PHF20L1: variants seen among roughly 807,000 people sequenced by gnomAD.
PHF20L1 encodes the protein PHD finger protein 20 like 1.
Under a neutral mutation model 125.5 loss-of-function variants are expected in PHF20L1, and 44 were observed. That is an observed-to-expected ratio of 0.35 (90% CI 0.28 to 0.45). The LOEUF is 0.45. Among genes scored for constraint, PHF20L1 ranks in the 20% least tolerant of loss-of-function variants. The pLI is 1.00. For missense variants in PHF20L1, 1,012 were observed against 1,217.2 expected (o/e 0.83, Z 2.51); for synonymous variants, 380 against 403.1 (o/e 0.94, Z 0.69).
At chr8:132,812,208 A>AT in intron 9 of PHF20L1, 1 of 979,176 alleles carries the variant, frequency 1.0e-6, no homozygotes, top group Non-Finnish European at 1.2e-6. Flanking sequence ...GTATTACTAT[A>AT]TTCAACGTCC....
intron 12 of PHF20L1, among the ~76,000 whole-genome samples, 195 bp from the exon 13 acceptor site, chr8:132,823,809 T>G (rs980148794): frequency 3.3e-5 from 5 of 151,956 alleles, no homozygotes; most frequent in African/African-American, 1.2e-4. Flanking sequence ...AAAATCACAT[T>G]TAATTTATTG....
At chr8:132,843,484 A>C (rs1295585257) in intron 19 of PHF20L1, 1 of 981,540 alleles carries the variant, frequency 1.0e-6, no homozygotes, top group Non-Finnish European at 1.2e-6. Context: ...AATTACCATA[A>C]ATAAGTACTT....
intron 18 of PHF20L1, 76 bp downstream of exon 18, chr8:132,839,658 A>T (rs1023335705): frequency 3.0e-6 from 3 of 1,007,136 alleles, no homozygotes; most frequent in Admixed American, 1.9e-5. Flanking sequence ...TGGCCTTTTG[A>T]TGGTCCAGAG....
intron 2 of PHF20L1, 111 bp downstream of exon 2, chr8:132,778,022 A>G (rs545161191): frequency 7.3e-6 from 5 of 688,050 alleles, no homozygotes; most frequent in Admixed American, 4.9e-5. Flanking sequence ...GTGTATTCAC[A>G]TTTCGATTAC....
chr8:132,828,591 T>C (rs905174409), intron 14 of PHF20L1, among the ~76,000 whole-genome samples: 2 of 152,082 alleles, frequency 1.3e-5, no homozygotes, highest in African/African-American at 4.8e-5. Context: ...GATTAGTTGT[T>C]TTTTATTATT....
intron 14 of PHF20L1, among the ~76,000 whole-genome samples, chr8:132,827,766 G>A (rs892571452): frequency 1.6e-4 from 25 of 151,900 alleles, no homozygotes; most frequent in Non-Finnish European, 3.2e-4. Flanking sequence ...ACTTTAAATG[G>A]TATATATTTT....
intron 2 of PHF20L1, among the ~76,000 whole-genome samples, chr8:132,790,316 A>G (rs1831537973): frequency 6.6e-6 from 1 of 152,210 alleles, no homozygotes; most frequent in Non-Finnish European, 1.5e-5. Flanking sequence ...GCCATCTGCT[A>G]GAAATAACTT....
chr8:132,812,170 C>T, intron 9 of PHF20L1: 1 of 980,540 alleles, frequency 1.0e-6, no homozygotes, highest in Non-Finnish European at 1.2e-6. Context: ...AATATATCAA[C>T]CAAATTTTAA....
At chr8:132,824,118 A>C in intron 13 of PHF20L1, 58 bp downstream of exon 13, 6 of 1,058,340 alleles carry the variant, frequency 5.7e-6, no homozygotes, top group Non-Finnish European at 8.7e-6. Context: ...GAGAGGGAGG[A>C]CATAGTCTGC....
At chr8:132,823,981 C>T in intron 12 of PHF20L1, 23 bp from the exon 13 acceptor site, 2 of 1,467,560 alleles carry the variant, frequency 1.4e-6, no homozygotes, top group Non-Finnish European at 1.9e-6. Context: ...ATTAAACTTA[C>T]ATATTTTTCC....
Position 132,794,521 on chromosome 8 carries a change from G to A in PHF20L1, c.195G>A (p.Leu65=). 1.9e-6 allele frequency: 3 copies of A among 1,612,262 alleles called. No homozygotes were observed. The highest frequency in any genetic ancestry group is 1.1e-5 in the South Asian group (1 of 91,050). The change falls in exon 3 of 21, where the codon TTG becomes TTA. Residue 65 remains leucine (L), a synonymous_variant. Transcript: ENST00000395386. ...DEWIYWDSNR[L]RPLERPALRK... ...GGATTTACTGGGATAGCAATAGATT[G>A]CGACCCCTTGAGAGACCAGCACTAA...
At chr8:132,784,431 T>C (rs1223105902) in intron 2 of PHF20L1, among the ~76,000 whole-genome samples, 1 of 152,216 alleles carries the variant, frequency 6.6e-6, no homozygotes, top group East Asian at 1.9e-4. Context: ...ACAGTTTAGA[T>C]GATCTTTCAG....
rs543521564 is a variant in PHF20L1 at position 132,786,756 on chromosome 8, T to C, written c.84-7654T>C. Reference sequence around the variant, plus strand: ...AACTGGTAACAATATTAGTACTTCATTTAAAGGGTTCTTTGAGGATTTTAG... The same window carrying C: ...AACTGGTAACAATATTAGTACTTCACTTAAAGGGTTCTTTGAGGATTTTAG... On this transcript the variant is annotated intron_variant, in intron 2 of 20. Transcript: ENST00000395386. 1.6e-4 allele frequency among the ~76,000 whole-genome samples: 25 copies of C among 152,226 alleles called. No homozygotes were observed. In the South Asian group the frequency reaches 3.1e-3, roughly 19 times the overall value.
In PHF20L1 at chr8:132,845,986, G is replaced by C; in HGVS notation, c.*63G>C. The C allele has an allele frequency of 7.9e-7, 1 of 1,264,106 alleles. No homozygotes were observed. Among genetic ancestry groups the C allele is most frequent in the Non-Finnish European group, 1.1e-6 (1 of 882,926 alleles). 78.3% of individuals were successfully genotyped at this position (1,264,106 alleles called of 1,614,324 possible). On this transcript the variant is annotated 3_prime_UTR_variant, in exon 21 of 21. Coordinates refer to ENST00000395386, the MANE Select transcript of PHF20L1 (RefSeq NM_016018.5). ...CAGTCAAAGCATTTTTATTATCCAC[G>C]TGATGGCTAAGTGGATAATTTAAAA... is the stretch of plus-strand genomic sequence containing the variant.
chr8:132,806,951 A>G (rs1338473173), intron 8 of PHF20L1: 4 of 151,930 alleles, frequency 2.6e-5, no homozygotes, highest in Admixed American at 1.3e-4. Flanking sequence ...CATTCTTTCT[A>G]TTCACTTTGC....
At chr8:132,798,909 C>A in intron 5 of PHF20L1, 49 bp downstream of exon 5, 1 of 1,259,508 alleles carries the variant, frequency 7.9e-7, no homozygotes, top group African/African-American at 1.5e-5. Flanking sequence ...TCTTCTTGAA[C>A]GGTGACTGAT....
At chr8:132,795,940 A>T (rs1211793313) in intron 4 of PHF20L1, among the ~76,000 whole-genome samples, 1 of 151,962 alleles carries the variant, frequency 6.6e-6, no homozygotes. Context: ...AAAATATCTT[A>T]TTGTGCTGTA....
At chr8:132,780,979 G>T (rs910248858) in intron 2 of PHF20L1, among the ~76,000 whole-genome samples, 2 of 151,334 alleles carry the variant, frequency 1.3e-5, no homozygotes, top group Admixed American at 6.6e-5. Context: ...TGAATAGCTG[G>T]AACTACAGGT....
chr8:132,812,750 G>A, intron 9 of PHF20L1: 1 of 983,208 alleles, frequency 1.0e-6, no homozygotes, highest in Non-Finnish European at 1.2e-6. Context: ...ATCTCAATTG[G>A]TATCAGCAAT....
Sources: allele counts gnomAD v4.1 joint callset (sites outside exome capture counted in the v4.1 genomes callset), GRCh38; gene constraint gnomAD v4.1.1; transcripts MANE v1.5; gene names NCBI Gene and HGNC (gene_info 2026-07-23, HGNC 2026-07-21).